ACVR1B: variants seen among roughly 807,000 people sequenced by gnomAD.
The protein encoded by ACVR1B is activin A receptor type 1B.
A neutral mutation model predicts 55.6 loss-of-function variants in ACVR1B; 15 were observed. The ratio of observed to expected loss-of-function variants is 0.27; its 90% CI spans 0.18 to 0.42. ACVR1B has a LOEUF of 0.42. Among genes scored for constraint, ACVR1B ranks in the 10% least tolerant of loss-of-function variants. ACVR1B has a pLI of 1.00. For missense variants in ACVR1B, 359 were observed against 670.1 expected (o/e 0.54, Z 5.13); for synonymous variants, 247 against 254.6 (o/e 0.97, Z 0.28).
In ACVR1B at chr12:51,994,366, C is replaced by G. The variant is rs140847018; in HGVS notation, c.*256C>G. On this transcript the variant is annotated 3_prime_UTR_variant, in exon 9 of 9. Coordinates refer to ENST00000257963, the MANE Select transcript of ACVR1B (RefSeq NM_004302.5). This position sits in a 1 kb window ranked among gnomAD's most constrained non-coding sequence, Gnocchi z 4.2. ...GTGTGGAGAACTCAGTGCCACACCT[C>G]GAACTGGTTGTAGTGGGAAGTCCCG... 416 of 421,962 alleles carry G rather than the reference C, an allele frequency of 9.9e-4. 1 individual carries two copies. Among genetic ancestry groups the G allele is most frequent in the African/African-American group, 7.4e-3 (361 of 48,662 alleles). 26.1% of individuals were successfully genotyped at this position (421,962 alleles called of 1,614,324 possible). A position where few individuals can be genotyped will look rare whatever the true frequency, so the allele number is the denominator to read the frequency against.
chr12:51,957,023 C>T (rs940941597), intron 1 of ACVR1B, among the ~76,000 whole-genome samples: 1 of 152,164 alleles, frequency 6.6e-6, no homozygotes, highest in Admixed American at 6.5e-5. Context: ...CTCACCTGGG[C>T]TTCACCTGCT....
chr12:51,978,803 C>G (rs1410071128), intron 3 of ACVR1B, among the ~76,000 whole-genome samples: 1 of 143,498 alleles, frequency 7.0e-6, no homozygotes, highest in African/African-American at 2.6e-5. Flanking sequence ...GCACTCCAGC[C>G]TGGGCAACAG....
intron 1 of ACVR1B, among the ~76,000 whole-genome samples, 165 bp downstream of exon 1, chr12:51,951,999 T>C (rs1941307159): frequency 6.6e-6 from 1 of 151,546 alleles, no homozygotes; most frequent in Non-Finnish European, 1.5e-5. Flanking sequence ...GCTTCCCCGA[T>C]CTCCGAGGCG....
At chr12:51,980,356 G>C (rs1246637286) in intron 3 of ACVR1B, among the ~76,000 whole-genome samples, 1 of 152,180 alleles carries the variant, frequency 6.6e-6, no homozygotes, top group Non-Finnish European at 1.5e-5. Context: ...GAGATACATT[G>C]AATGAGTCAA....
At position 51,951,841 on chromosome 12, in the gene ACVR1B, C is replaced by G; in HGVS notation, c.91+7C>G. 1 of 1,266,192 alleles carries G rather than the reference C, an allele frequency of 7.9e-7. No individual in the cohort carries two copies. The highest frequency in any genetic ancestry group is 1.0e-6 in the Non-Finnish European group (1 of 996,886). 78.4% of individuals were successfully genotyped at this position (1,266,192 alleles called of 1,614,324 possible). A position where few individuals can be genotyped will look rare whatever the true frequency, so the allele number is the denominator to read the frequency against. ...GGGCCCCGGGGGGTCCAGGGTGAGT[C>G]CTGGGACGGGGGGCGGGGGCCGGGA... On this transcript the variant is annotated splice_region_variant and intron_variant, in intron 1 of 8. Transcript: ENST00000257963.
In ACVR1B at chr12:51,991,954, G is replaced by C; in HGVS notation, c.1353G>C (p.Lys451Asn). The C allele has an allele frequency of 1.9e-6, 3 of 1,614,204 alleles. No homozygotes were observed. Among genetic ancestry groups the C allele is most frequent in the East Asian group, 2.2e-5 (1 of 44,880 alleles). Reference protein sequence around the residue: ...EEMRKVVCDQKLRPNIPNWWQ... With the variant: ...EEMRKVVCDQNLRPNIPNWWQ... ...TGCGAAAGGTTGTATGTGATCAGAA[G>C]CTGCGTCCCAACATCCCCAACTGGT... Residue 451 changes from lysine (K) to asparagine (N), a missense_variant, in exon 8 of 9, where the codon AAG (lysine) becomes AAC (asparagine). Transcript: ENST00000257963.
In ACVR1B at chr12:51,984,073, C is replaced by T. The variant is rs777838761; in HGVS notation, c.886C>T (p.Arg296Trp). 18 of 1,614,152 alleles carry T rather than the reference C, an allele frequency of 1.1e-5. No individual in the cohort carries two copies. Among genetic ancestry groups the T allele is most frequent in the Non-Finnish European group, 1.4e-5 (16 of 1,180,036 alleles). ...CGGGTCCCTGTTTGATTATCTGAAC[C>T]GGTACACAGTGACAATTGAGGGGAT... ...EHGSLFDYLN[R>W]YTVTIEGMIK... The change falls in exon 5 of 9, where the codon CGG becomes TGG. Residue 296 changes from arginine (R) to tryptophan (W), a missense_variant. Coordinates refer to ENST00000257963, the MANE Select transcript of ACVR1B (RefSeq NM_004302.5).
chr12:51,976,204 G>T, intron 2 of ACVR1B, 123 bp from the exon 3 acceptor site: 1 of 1,155,364 alleles, frequency 8.7e-7, no homozygotes, highest in Non-Finnish European at 1.2e-6. Context: ...GAGAGATCAA[G>T]GGAGCCTGAA....
At position 51,966,547 on chromosome 12, in the gene ACVR1B, C is replaced by T. The variant is rs548471319; in HGVS notation, c.92-8718C>T. On this transcript the variant is annotated intron_variant, in intron 1 of 8. Transcript: ENST00000257963. ...CACTTCAGCTTCAGTCTCCTGGGCTCAAGCAATCCTTCCACCTCAGCCTCC... is the reference window on the plus strand; with the variant it reads ...CACTTCAGCTTCAGTCTCCTGGGCTTAAGCAATCCTTCCACCTCAGCCTCC... Among the ~76,000 whole-genome samples, 21 of 152,340 alleles carry T rather than the reference C, an allele frequency of 1.4e-4. No homozygotes were observed. In the East Asian group the frequency reaches 3.7e-3, roughly 27 times the overall value.
intron 8 of ACVR1B, among the ~76,000 whole-genome samples, chr12:51,993,497 G>A (rs1942233947): frequency 6.6e-6 from 1 of 152,066 alleles, no homozygotes; most frequent in Non-Finnish European, 1.5e-5. Context: ...TGGCGCGGTG[G>A]CTCATGCCTG....
chr12:51,984,198 G>T, intron 5 of ACVR1B, 32 bp downstream of exon 5: 1 of 1,612,802 alleles, frequency 6.2e-7, no homozygotes, highest in Non-Finnish European at 8.5e-7. Context: ...CGGCGAAGTG[G>T]TGTAGGCATG....
At chr12:51,959,743 C>T (rs1941481898) in intron 1 of ACVR1B, among the ~76,000 whole-genome samples, 1 of 152,174 alleles carries the variant, frequency 6.6e-6, no homozygotes, top group Non-Finnish European at 1.5e-5. Context: ...CATCCCATCA[C>T]TCACATATAA....
At chr12:51,981,557 C>T (rs529506635) in intron 4 of ACVR1B, among the ~76,000 whole-genome samples, 1 of 152,158 alleles carries the variant, frequency 6.6e-6, no homozygotes, top group Non-Finnish European at 1.5e-5. Flanking sequence ...ATGGGCTGGG[C>T]GCGGTGGCTC....
At chr12:51,952,230 C>G (rs915854295) in intron 1 of ACVR1B, among the ~76,000 whole-genome samples, 3 of 152,078 alleles carry the variant, frequency 2.0e-5, no homozygotes, top group Non-Finnish European at 4.4e-5. Context: ...TCCAGGTGCT[C>G]CTGGGGGGCG....
intron 1 of ACVR1B, among the ~76,000 whole-genome samples, chr12:51,957,739 A>G (rs1005063678): frequency 6.6e-6 from 1 of 152,086 alleles, no homozygotes; most frequent in Non-Finnish European, 1.5e-5. Flanking sequence ...TTTAATATAT[A>G]TTGTTGGTTC....
intron 3 of ACVR1B, among the ~76,000 whole-genome samples, chr12:51,977,011 GA>G (rs1283373168): frequency 6.6e-6 from 1 of 152,194 alleles, no homozygotes; most frequent in Non-Finnish European, 1.5e-5. Context: ...GTAAAGCTTA[GA>G]GTTGGGATTT....
intron 1 of ACVR1B, among the ~76,000 whole-genome samples, chr12:51,972,096 T>C (rs1162005817): frequency 6.6e-6 from 1 of 152,200 alleles, no homozygotes; most frequent in East Asian, 1.9e-4. Flanking sequence ...GAATATCTAC[T>C]AGTTGTTAAG....
chr12:51,953,500 G>A, intron 1 of ACVR1B: 1 of 985,038 alleles, frequency 1.0e-6, no homozygotes, highest in Non-Finnish European at 1.2e-6. Flanking sequence ...GACATTTGTG[G>A]TGAGATAATG....
intron 3 of ACVR1B, among the ~76,000 whole-genome samples, chr12:51,980,746 C>T (rs915886294): frequency 2.6e-5 from 4 of 152,154 alleles, no homozygotes; most frequent in Non-Finnish European, 4.4e-5. Context: ...TAATCATACA[C>T]GTTTCCTGTT....
Sources: gnomAD v4.1 joint callset for allele counts (sites outside exome capture counted in the v4.1 genomes callset) on GRCh38, gnomAD v4.1.1 for gene constraint, Gnocchi (gnomAD v3.1) non-coding constraint, MANE v1.5 for transcripts, NCBI Gene and HGNC (gene_info 2026-07-23, HGNC 2026-07-21) for gene names.